Variants in LRRK2 observed in about 807,000 individuals in gnomAD.
The protein encoded by LRRK2 is leucine-rich repeat serine/threonine-protein kinase 2.
A neutral mutation model predicts 302.6 loss-of-function variants in LRRK2; 203 were observed. That is an observed-to-expected ratio of 0.67 (90% CI 0.60 to 0.75). The LOEUF is 0.75. Among genes scored for constraint, LRRK2 ranks in the 30% least tolerant of loss-of-function variants. LRRK2 has a pLI of 0.00. For synonymous variants in LRRK2, 1,066 were observed against 1,031.9 expected (o/e 1.03, Z -0.63); for missense variants, 2,830 against 2,951.0 (o/e 0.96, Z 0.95).
At position 40,309,044 on chromosome 12, in the gene LRRK2, A is replaced by T. The variant is rs7305344; in HGVS notation, c.4190-62A>T. On this transcript the variant is annotated intron_variant, in intron 29 of 50. Coordinates refer to ENST00000298910, the MANE Select transcript of LRRK2 (RefSeq NM_198578.4). ...GTATTATTCTCCCAGATTTTTTTTT[A>T]AAAAAGGATTCTTGCCTGTCGTTTG... is the stretch of plus-strand genomic sequence containing the variant. The T allele has an allele frequency of 0.65, 970,801 of 1,483,002 alleles. 317,836 individuals are homozygous for T. The highest frequency in any genetic ancestry group is 0.76 in the African/African-American group (53,501 of 70,092). The allele number at this position is 1,483,002 out of a possible 1,614,324, so 91.9% of individuals were successfully genotyped here.
Position 40,340,468 on chromosome 12 carries a change from T to C in LRRK2, c.6109+14T>C, listed in dbSNP as rs1339520066. The C allele has an allele frequency of 6.2e-7, 1 of 1,613,560 alleles. No individual in the cohort carries two copies. The highest frequency in any genetic ancestry group is 1.7e-5 in the Admixed American group (1 of 59,984). On this transcript the variant is annotated intron_variant, in intron 41 of 50. Transcript: ENST00000298910. ...AGGGCACACCAGGTAGGTGATCAGGTCTGTCTCATAATTCTATCTTCAGGA... is the reference window on the plus strand; with the variant it reads ...AGGGCACACCAGGTAGGTGATCAGGCCTGTCTCATAATTCTATCTTCAGGA...
chr12:40,322,337 A>T lies in LRRK2; in HGVS notation c.5336A>T (p.Gln1779Leu). 1.2e-6 allele frequency: 2 copies of T among 1,613,512 alleles called. No individual in the cohort carries two copies. The highest frequency in any genetic ancestry group is 1.7e-6 in the Non-Finnish European group (2 of 1,179,650). The change falls in exon 37 of 51, where the codon CAA (glutamine) becomes CTA (leucine). Residue 1779 changes from glutamine to leucine, a missense_variant. By Grantham distance (113) the Gln-to-Leu change is moderately radical. Around this residue, in one of 3 missense-constraint regions of LRRK2, gnomAD observed 2,121 missense variants for 2,148.0 expected, o/e 0.99. Transcript: ENST00000298910. The part of the protein sequence containing the change: ...SCRKGCILLG[Q>L]VVDHIDSLME... ...CATGTAGGCTGTATTCTTTTGGGCCAAGTTGTGGACCACATTGATTCTCTC... is the reference window on the plus strand; with the variant it reads ...CATGTAGGCTGTATTCTTTTGGGCCTAGTTGTGGACCACATTGATTCTCTC...
chr12:40,348,019 A>G (rs1365765), intron 42 of LRRK2, among the ~76,000 whole-genome samples: 116,726 of 152,012 alleles, frequency 0.77, 45,670 homozygotes, highest in Non-Finnish European at 0.86. Flanking sequence ...CTTATAAAAA[A>G]CAAATGTGCA....
At chr12:40,328,547 A>G in intron 39 of LRRK2, 87 bp downstream of exon 39, 1 of 975,872 alleles carries the variant, frequency 1.0e-6, no homozygotes, top group East Asian at 2.7e-5. Flanking sequence ...TGAAAATGCA[A>G]AATAATGACC....
rs556904625 is a variant in LRRK2 at position 40,326,382 on chromosome 12, C to T, written c.5657-1978C>T. ...TCGGGAGGCTGAGTCAGGAAAATGG[C>T]ATGAACCTGGGAGGCGGAGCTTGCA... is the stretch of plus-strand genomic sequence containing the variant. On this transcript the variant is annotated intron_variant, in intron 38 of 50. Transcript: ENST00000298910. Among the ~76,000 whole-genome samples, 4 of 150,436 alleles carry T rather than the reference C, an allele frequency of 2.7e-5. 1 individual carries two copies. In the East Asian group the frequency reaches 7.9e-4, roughly 30 times the overall value.
chr12:40,231,576 C>CAAAAAAAAAAAAAAAAAAAAAAAAAA (rs71078231), intron 2 of LRRK2, among the ~76,000 whole-genome samples: 1 of 105,882 alleles, frequency 9.4e-6, no homozygotes, highest in Non-Finnish European at 1.8e-5. Flanking sequence ...AAAACAAAAC[C>CAAAAAAAAAAAAAAAAAAAAAAAAAA]AAAAAAAAAA....
At chr12:40,234,807 C>CA (rs753079925) in intron 3 of LRRK2, among the ~76,000 whole-genome samples, 58 of 151,950 alleles carry the variant, frequency 3.8e-4, no homozygotes, top group Admixed American at 8.5e-4. Context: ...TTTAATATAT[C>CA]AACATGTCTA....
chr12:40,318,763 C>T (rs1444107168), intron 33 of LRRK2, among the ~76,000 whole-genome samples: 1 of 151,972 alleles, frequency 6.6e-6, no homozygotes, highest in Non-Finnish European at 1.5e-5. Context: ...GGTCTTAGCA[C>T]TTAAAAAACA....
rs757454147 is a variant in LRRK2, at chr12:40,259,507, A to C, written c.1446A>C (p.Ala482=). Residue 482 remains alanine (A), a synonymous_variant, in exon 13 of 51, where the codon GCA becomes GCC. Coordinates refer to ENST00000298910, the MANE Select transcript of LRRK2 (RefSeq NM_198578.4). Reference sequence around the variant, plus strand: ...ACACTTCCCTGGATATAATGGCAGCAGTGGTCCCCAAAATACTAACAGTTA... The same window carrying C: ...ACACTTCCCTGGATATAATGGCAGCCGTGGTCCCCAAAATACTAACAGTTA... ...GSNTSLDIMA[A]VVPKILTVMK... The C allele has an allele frequency of 6.2e-7, 1 of 1,613,350 alleles. No individual in the cohort carries two copies. The highest frequency in any genetic ancestry group is 1.3e-5 in the African/African-American group (1 of 74,986).
chr12:40,243,750 TTGC>T, intron 7 of LRRK2, 69 bp downstream of exon 7: 5 of 1,425,800 alleles, frequency 3.5e-6, no homozygotes, highest in Non-Finnish European at 4.9e-6. Context: ...CATATATATG[TTGC>T]ATAATAATGG....
At chr12:40,333,519 T>C (rs990970373) in intron 39 of LRRK2, among the ~76,000 whole-genome samples, 2 of 151,986 alleles carry the variant, frequency 1.3e-5, no homozygotes, top group Non-Finnish European at 2.9e-5. Context: ...AGCCCAACAA[T>C]GTCATAAAAG....
At chr12:40,349,157 A>G (rs1946280869) in intron 43 of LRRK2, among the ~76,000 whole-genome samples, 1 of 152,134 alleles carries the variant, frequency 6.6e-6, no homozygotes. Flanking sequence ...AGGTTGATTT[A>G]CTAAATGGCT....
intron 30 of LRRK2, among the ~76,000 whole-genome samples, 155 bp downstream of exon 30, chr12:40,309,388 CT>C (rs1247334077): frequency 6.6e-6 from 1 of 151,996 alleles, no homozygotes; most frequent in African/African-American, 2.4e-5. Context: ...AATTGGGAAA[CT>C]TTCCGAGTAA....
intron 7 of LRRK2, among the ~76,000 whole-genome samples, chr12:40,247,671 AAT>A (rs1942064665): frequency 2.3e-5 from 1 of 43,660 alleles, no homozygotes; most frequent in African/African-American, 7.6e-5. Flanking sequence ...TACAAATATA[AAT>A]ATATACATTT....
In LRRK2 at chr12:40,322,458, T is replaced by C. The variant is rs10878371; in HGVS notation, c.5457T>C (p.Gly1819=). 0.56 allele frequency: 899,017 copies of C among 1,612,358 alleles called. 252,740 individuals carry two copies. Among genetic ancestry groups the C allele is most frequent in the South Asian group, 0.69 (62,698 of 91,038 alleles). ...KKWALYSFND[G]EEHQKILLDD... ...GGGCATTATATAGTTTTAATGATGG[T>C]GAAGAACATCAAAAAATCTTACTTG... The change falls in exon 37 of 51, where the codon GGT becomes GGC. Residue 1819 remains glycine, a synonymous_variant. Transcript: ENST00000298910.
chr12:40,301,021 T>C (rs1264896225), intron 25 of LRRK2: 2 of 464,614 alleles, frequency 4.3e-6, no homozygotes, highest in East Asian at 1.4e-4. Context: ...CTCTGCCCAA[T>C]TGAGGAAATT....
intron 38 of LRRK2, among the ~76,000 whole-genome samples, chr12:40,327,982 T>G (rs1358001526): frequency 6.6e-6 from 1 of 152,198 alleles, no homozygotes; most frequent in East Asian, 1.9e-4. Flanking sequence ...TTTGATAGGC[T>G]GTGATTGAGT....
At position 40,249,826 on chromosome 12, in the gene LRRK2, G is replaced by A; in HGVS notation, c.839G>A (p.Gly280Asp). ...SCCLLHRLTL[G>D]NFFNILVLNE... is the part of the protein sequence containing the mutation. ...AGCTAATGTTTCACTTAACTTTTAGGTAATTTTTTCAATATCCTGGTATTA... is the reference window on the plus strand; with the variant it reads ...AGCTAATGTTTCACTTAACTTTTAGATAATTTTTTCAATATCCTGGTATTA... The change falls in exon 8 of 51, where the codon GGT (glycine) becomes GAT (aspartate). Residue 280 changes from glycine to aspartate, a missense_variant and splice_region_variant. Coordinates refer to ENST00000298910, the MANE Select transcript of LRRK2 (RefSeq NM_198578.4). 1 of 1,613,466 alleles carries A rather than the reference G, an allele frequency of 6.2e-7. No homozygotes were observed. Among genetic ancestry groups the A allele is most frequent in the South Asian group, 1.1e-5 (1 of 91,052 alleles).
chr12:40,354,402 T>C lies in LRRK2; in HGVS notation c.6680T>C (p.Ile2227Thr), dbSNP rs760328533. ...ACACAGTCTGGTACTCTCCTGGTCA[T>C]CAATACCGAAGATGGGAAAAAGAGA... ...SGTQSGTLLV[I>T]NTEDGKKRHT... Residue 2227 changes from isoleucine to threonine, a missense_variant, in exon 45 of 51, where the codon ATC becomes ACC. Physicochemically the swap from Ile to Thr is moderately conservative, Grantham distance 89. Coordinates refer to ENST00000298910, the MANE Select transcript of LRRK2 (RefSeq NM_198578.4). 8 of 1,613,998 alleles carry C rather than the reference T, an allele frequency of 5.0e-6. No individual in the cohort carries two copies. The highest frequency in any genetic ancestry group is 2.7e-5 in the African/African-American group (2 of 74,926).
Sources: gnomAD v4.1 joint callset for allele counts (sites outside exome capture counted in the v4.1 genomes callset) on GRCh38, gnomAD v4.1.1 for gene constraint, gnomAD v4.1.1 regional missense constraint, MANE v1.5 for transcripts, NCBI Gene and HGNC (gene_info 2026-07-23, HGNC 2026-07-21) for gene names.